The following CNTN5 variants were observed in gnomAD, a reference collection of about 807,000 sequenced individuals.
CNTN5 encodes the protein contactin 5.
A neutral mutation model predicts 129.1 loss-of-function variants in CNTN5; 77 were observed. The ratio of observed to expected loss-of-function variants is 0.60; its 90% CI spans 0.50 to 0.72. CNTN5 has a LOEUF of 0.72. Among genes scored for constraint, CNTN5 ranks in the 30% least tolerant of loss-of-function variants. CNTN5 has a pLI of 0.00. For synonymous variants in CNTN5, 509 were observed against 465.6 expected, an observed-to-expected ratio of 1.09 and a Z score of -1.20; for missense variants, 1,478 against 1,328.8, an observed-to-expected ratio of 1.11 and a Z score of -1.75.
intron 6 of CNTN5, among the ~76,000 whole-genome samples, chr11:99,877,741 G>A (rs1000807812): frequency 6.6e-6 from 1 of 152,140 alleles, no homozygotes; most frequent in African/African-American, 2.4e-5. Context: ...TACTATATCT[G>A]CATTTGCATT....
intron 8 of CNTN5, among the ~76,000 whole-genome samples, chr11:99,993,285 T>C (rs1245116354): frequency 6.6e-6 from 1 of 152,126 alleles, no homozygotes; most frequent in African/African-American, 2.4e-5. Flanking sequence ...GCACATAAGG[T>C]CCGAAAATCC....
intron 2 of CNTN5, among the ~76,000 whole-genome samples, chr11:99,541,265 A>C (rs1948097473): frequency 6.6e-6 from 1 of 152,162 alleles, no homozygotes; most frequent in Admixed American, 6.5e-5. Context: ...TTAATATATT[A>C]ATATTCACTG....
At chr11:99,730,571 G>A (rs912987533) in intron 3 of CNTN5, among the ~76,000 whole-genome samples, 1 of 152,076 alleles carries the variant, frequency 6.6e-6, no homozygotes, top group Non-Finnish European at 1.5e-5. Flanking sequence ...TATGTTTGGG[G>A]CATTGAGATT....
intron 9 of CNTN5, among the ~76,000 whole-genome samples, chr11:100,043,775 T>G (rs755490027): frequency 6.6e-5 from 10 of 152,192 alleles, no homozygotes; most frequent in African/African-American, 1.4e-4. Flanking sequence ...ACATAAATAG[T>G]CTTCTTGACT....
At chr11:99,037,670 T>A (rs574122732) in intron 1 of CNTN5, among the ~76,000 whole-genome samples, 16 of 147,480 alleles carry the variant, frequency 1.1e-4, no homozygotes, top group Admixed American at 5.5e-4. Flanking sequence ...AACCTCCATC[T>A]CTCAGGTTCA....
chr11:99,946,835 T>C (rs1950563318), intron 7 of CNTN5, among the ~76,000 whole-genome samples: 1 of 151,970 alleles, frequency 6.6e-6, no homozygotes, highest in Admixed American at 6.6e-5. Context: ...ATTTTACAGC[T>C]ATGCAAATAT....
At chr11:99,552,205 C>A (rs1948509408) in intron 2 of CNTN5, among the ~76,000 whole-genome samples, 1 of 140,416 alleles carries the variant, frequency 7.1e-6, no homozygotes. Flanking sequence ...CGCACCTGGT[C>A]AGTTTTTGTG....
At chr11:99,633,577 C>A (rs1422617443) in intron 3 of CNTN5, among the ~76,000 whole-genome samples, 1 of 151,918 alleles carries the variant, frequency 6.6e-6, no homozygotes, top group African/African-American at 2.4e-5. Context: ...CTTCTACAAG[C>A]AAGATCATCT....
intron 8 of CNTN5, among the ~76,000 whole-genome samples, chr11:99,974,201 T>C (rs1157899643): frequency 6.6e-6 from 1 of 152,236 alleles, no homozygotes; most frequent in Non-Finnish European, 1.5e-5. Context: ...CTTATCTTTT[T>C]TTTCTAGGTA....
intron 4 of CNTN5, among the ~76,000 whole-genome samples, chr11:99,834,669 A>T (rs1434448799): frequency 6.6e-6 from 1 of 152,202 alleles, no homozygotes; most frequent in Non-Finnish European, 1.5e-5. Context: ...AATAGTTATG[A>T]TTTAAAAACT....
intron 2 of CNTN5, among the ~76,000 whole-genome samples, chr11:99,552,919 ATTACTTGACT>A (rs1565288138): frequency 6.6e-6 from 1 of 152,156 alleles, no homozygotes; most frequent in Non-Finnish European, 1.5e-5. Flanking sequence ...ATATACTATT[ATTACTTGACT>A]TACTTCGTAG....
intron 3 of CNTN5, among the ~76,000 whole-genome samples, chr11:99,638,187 G>A (rs1951636741): frequency 6.6e-6 from 1 of 152,142 alleles, no homozygotes; most frequent in Admixed American, 6.5e-5. Flanking sequence ...AAGAGAAAAT[G>A]AGGAAGCAAA....
At chr11:100,255,680 G>A (rs1166197681) in intron 16 of CNTN5, 80 bp from the exon 17 acceptor site, 2 of 1,249,444 alleles carry the variant, frequency 1.6e-6, no homozygotes, top group Non-Finnish European at 2.3e-6. Flanking sequence ...AGTTGGATGT[G>A]CTACATATTG....
chr11:100,277,409 G>A (rs184326780), intron 18 of CNTN5, among the ~76,000 whole-genome samples: 47 of 152,178 alleles, frequency 3.1e-4, no homozygotes, highest in East Asian at 1.2e-3. Context: ...ACTGTTCTCC[G>A]TAGTGTTGTA....
intron 2 of CNTN5, among the ~76,000 whole-genome samples, chr11:99,528,724 C>T (rs1018391091): frequency 1.6e-4 from 24 of 152,138 alleles, no homozygotes; most frequent in African/African-American, 5.6e-4. Context: ...GGCCAGTGAG[C>T]TTTAAGTTCT....
chr11:99,844,724 T>G, intron 4 of CNTN5, 128 bp from the exon 5 acceptor site: 1 of 802,242 alleles, frequency 1.2e-6, no homozygotes, highest in Non-Finnish European at 2.0e-6. Flanking sequence ...TTCCTTCTTT[T>G]GGGAATTTAC....
chr11:99,242,990 T>A (rs912147495), intron 1 of CNTN5, among the ~76,000 whole-genome samples: 1 of 152,208 alleles, frequency 6.6e-6, no homozygotes, highest in Admixed American at 6.5e-5. Flanking sequence ...TTCTTTTGGA[T>A]ATACACCCAG....
At chr11:99,361,962 C>T (rs1939140983) in intron 2 of CNTN5, among the ~76,000 whole-genome samples, 1 of 152,008 alleles carries the variant, frequency 6.6e-6, no homozygotes, top group Non-Finnish European at 1.5e-5. Flanking sequence ...GTCATACAAG[C>T]ATCTGTTTGT....
intron 3 of CNTN5, among the ~76,000 whole-genome samples, chr11:99,582,774 C>T (rs368121948): frequency 3.3e-5 from 5 of 152,132 alleles, no homozygotes; most frequent in Non-Finnish European, 7.3e-5. Context: ...TTCAGACTTC[C>T]TCCTTTAGCT....
Sources: gnomAD v4.1 joint callset for allele counts (sites outside exome capture counted in the v4.1 genomes callset) on GRCh38, gnomAD v4.1.1 for gene constraint, MANE v1.5 for transcripts, NCBI Gene and HGNC (gene_info 2026-07-23, HGNC 2026-07-21) for gene names.